The following ERCC6 variants were observed in gnomAD, a reference collection of about 807,000 sequenced individuals.
The protein encoded by ERCC6 is ERCC excision repair 6, chromatin remodeling factor.
In ERCC6, 116 loss-of-function variants were observed where a neutral mutation model predicts 158.7. The ratio of observed to expected loss-of-function variants is 0.73; its 90% CI spans 0.63 to 0.85. The LOEUF (loss-of-function observed/expected upper bound fraction) is 0.85, where lower values mean the gene tolerates loss of function less well. Ranked by LOEUF, ERCC6 falls within the 40% of genes least tolerant of loss-of-function variation. The pLI, the probability that ERCC6 is intolerant of heterozygous loss-of-function variation, is 0.00. For synonymous variants in ERCC6, 678 were observed against 659.3 expected, an observed-to-expected ratio of 1.03 and a Z score of -0.43; for missense variants, 1,698 against 1,799.4, an observed-to-expected ratio of 0.94 and a Z score of 1.02.
chr10:49,438,909 A>G, the ERCC6 span, among the ~76,000 whole-genome samples: 1 of 152,220 alleles, frequency 6.6e-6, no homozygotes, highest in Non-Finnish European at 1.5e-5. Flanking sequence ...TTTGACTCCA[A>G]GTCTCACATC....
intron 5 of ERCC6, chr10:49,516,158 ATTTGGG>A: frequency 6.2e-7 from 1 of 1,614,174 alleles, no homozygotes; most frequent in Non-Finnish European, 8.5e-7. Context: ...CATGTTTAGT[ATTTGGG>A]TTTTTACCCT....
chr10:49,489,063 G>A (rs1851128014), intron 8 of ERCC6, among the ~76,000 whole-genome samples: 1 of 152,312 alleles, frequency 6.6e-6, no homozygotes, highest in Admixed American at 6.5e-5. Context: ...GATTATAGGC[G>A]TGAGCCACCG....
At chr10:49,446,797 G>C in the ERCC6 span, among the ~76,000 whole-genome samples, 1 of 152,214 alleles carries the variant, frequency 6.6e-6, no homozygotes, top group Non-Finnish European at 1.5e-5. Flanking sequence ...CTGGGCAAAA[G>C]TGAAACTATG....
chr10:49,468,944 C>T (rs749121857), intron 18 of ERCC6, among the ~76,000 whole-genome samples: 3 of 151,456 alleles, frequency 2.0e-5, no homozygotes, highest in Non-Finnish European at 2.9e-5. Flanking sequence ...TAAGACAATA[C>T]GAGCATCATA....
At chr10:49,488,351 A>G (rs1851112080) in intron 8 of ERCC6, 1 of 154,422 alleles carries the variant, frequency 6.5e-6, no homozygotes, top group South Asian at 2.0e-4. Flanking sequence ...AACACAGTAC[A>G]GCCGCTTCCT....
chr10:49,442,048 C>T, the ERCC6 span, among the ~76,000 whole-genome samples: 4 of 152,190 alleles, frequency 2.6e-5, no homozygotes, highest in African/African-American at 9.6e-5. Flanking sequence ...GGTATCCAAA[C>T]AAGACCCGCG....
intron 11 of ERCC6, among the ~76,000 whole-genome samples, chr10:49,477,631 G>A (rs1386539173): frequency 6.6e-6 from 1 of 152,026 alleles, no homozygotes; most frequent in East Asian, 1.9e-4. Context: ...GCACCTGTCT[G>A]TGCCAGCCTC....
chr10:49,460,547 T>G, intron 19 of ERCC6, 96 bp from the exon 20 acceptor site: 1 of 856,896 alleles, frequency 1.2e-6, no homozygotes, highest in South Asian at 1.4e-5. Flanking sequence ...CCTGGAAACA[T>G]TTCCATCTGC....
intron 3 of ERCC6, 33 bp downstream of exon 3, chr10:49,530,686 CA>C: frequency 1.2e-6 from 2 of 1,607,148 alleles, no homozygotes; most frequent in South Asian, 2.2e-5. Flanking sequence ...ATGACTTTTT[CA>C]AAAATGCAAT....
chr10:49,515,923 T>C, intron 5 of ERCC6: 4 of 1,614,212 alleles, frequency 2.5e-6, no homozygotes, highest in East Asian at 2.2e-5. Context: ...TAATCAAATG[T>C]GCCTCTTTCT....
chr10:49,435,849 A>G, the ERCC6 span, among the ~76,000 whole-genome samples: 1 of 152,004 alleles, frequency 6.6e-6, no homozygotes, highest in Non-Finnish European at 1.5e-5. Context: ...AAATACAAAA[A>G]TTAGCTGGGC....
At chr10:49,510,313 TAAGTGG>T (rs1202044376) in intron 5 of ERCC6, among the ~76,000 whole-genome samples, 2 of 152,160 alleles carry the variant, frequency 1.3e-5, no homozygotes, top group Non-Finnish European at 2.9e-5. Flanking sequence ...TCAAAATAAA[TAAGTGG>T]AAAGACACAG....
intron 18 of ERCC6, among the ~76,000 whole-genome samples, chr10:49,466,379 G>A (rs1466504082): frequency 6.6e-6 from 1 of 152,172 alleles, no homozygotes; most frequent in Admixed American, 6.5e-5. Flanking sequence ...GTGAATGAAG[G>A]TCTTGAAGAA....
chr10:49,518,881 C>A (rs1590463292), intron 5 of ERCC6, among the ~76,000 whole-genome samples: 1 of 152,190 alleles, frequency 6.6e-6, no homozygotes, highest in East Asian at 1.9e-4. Flanking sequence ...ATCTTTATCA[C>A]CCCTTTACAT....
chr10:49,458,830 C>T lies in ERCC6; in HGVS notation c.4467G>A (p.Lys1489=). The T allele has an allele frequency of 6.2e-7, 1 of 1,614,124 alleles. No individual in the cohort carries two copies. The highest frequency in any genetic ancestry group is 8.5e-7 in the Non-Finnish European group (1 of 1,180,020). Residue 1489 remains lysine (K), a synonymous_variant, in exon 21 of 21, where the codon AAG becomes AAA. Coordinates refer to ENST00000355832, the MANE Select transcript of ERCC6 (RefSeq NM_000124.4). ...GCAATGTTGTTTAGCAGTATTCTGG[C>T]TTGAGTTTCCAAATTCCTTCACCAC... The part of the protein sequence containing the change: ...TSGGEGIWKL[K]PEYC
At chr10:49,516,162 G>A in intron 5 of ERCC6, 1 of 1,614,142 alleles carries the variant, frequency 6.2e-7, no homozygotes, top group Non-Finnish European at 8.5e-7. Flanking sequence ...TTTAGTATTT[G>A]GGTTTTTACC....
downstream of ERCC6, among the ~76,000 whole-genome samples, chr10:49,454,024 G>GTA (rs1485461333): frequency 2.0e-5 from 3 of 152,136 alleles, no homozygotes; most frequent in African/African-American, 7.2e-5. Flanking sequence ...TTCAGTCATT[G>GTA]TATCTTTAAA....
At chr10:49,436,577 T>A in the ERCC6 span, among the ~76,000 whole-genome samples, 6 of 151,846 alleles carry the variant, frequency 4.0e-5, no homozygotes, top group African/African-American at 2.4e-5. Context: ...ATAAAGAAAA[T>A]CAAATAAAGG....
intron 4 of ERCC6, 92 bp from the exon 5 acceptor site, chr10:49,524,869 C>T: frequency 6.4e-7 from 1 of 1,554,068 alleles, no homozygotes; most frequent in South Asian, 1.2e-5. Flanking sequence ...TATTAGGCAG[C>T]TACAAATAAC....
Sources: allele counts gnomAD v4.1 joint callset (sites outside exome capture counted in the v4.1 genomes callset), GRCh38; gene constraint gnomAD v4.1.1; transcripts MANE v1.5; gene names NCBI Gene and HGNC (gene_info 2026-07-23, HGNC 2026-07-21).